Variants in CAMTA1 observed in about 807,000 individuals in gnomAD.
CAMTA1 encodes calmodulin binding transcription activator 1.
CAMTA1 carries 27 observed loss-of-function variants against 170.9 expected under a neutral mutation model. That is an observed-to-expected ratio of 0.16 (90% CI 0.12 to 0.22). The LOEUF is 0.22. CAMTA1 is among the 10% of genes least tolerant of loss of function. CAMTA1 has a pLI of 1.00. For synonymous variants in CAMTA1, 833 were observed against 891.5 expected (o/e 0.93, Z 1.17); for missense variants, 1,619 against 2,217.2 (o/e 0.73, Z 5.42).
intron 4 of CAMTA1, among the ~76,000 whole-genome samples, chr1:7,120,049 A>G (rs1347402609): frequency 6.6e-6 from 1 of 152,174 alleles, no homozygotes; most frequent in Non-Finnish European, 1.5e-5. Flanking sequence ...CAGATGAGGA[A>G]ACCGAGGCTG....
intron 3 of CAMTA1, among the ~76,000 whole-genome samples, chr1:6,920,153 A>G (rs948697679): frequency 3.0e-4 from 46 of 152,192 alleles, no homozygotes; most frequent in African/African-American, 1.0e-3. Context: ...AAAGCAAGTT[A>G]GTTACTTCCT....
chr1:7,026,714 G>A (rs1702072687), intron 3 of CAMTA1, among the ~76,000 whole-genome samples: 1 of 140,002 alleles, frequency 7.1e-6, no homozygotes, highest in African/African-American at 2.7e-5. Flanking sequence ...CACTGCAACC[G>A]CCGCCTCCCA....
At chr1:7,174,390 A>G (rs945102631) in intron 4 of CAMTA1, among the ~76,000 whole-genome samples, 1 of 152,256 alleles carries the variant, frequency 6.6e-6, no homozygotes, top group African/African-American at 2.4e-5. Context: ...TGGAATTGTA[A>G]TCAAATTTCT....
intron 6 of CAMTA1, among the ~76,000 whole-genome samples, chr1:7,478,459 G>C (rs906336637): frequency 1.3e-5 from 2 of 152,184 alleles, no homozygotes; most frequent in East Asian, 3.9e-4. Context: ...GCCTGCCGAC[G>C]CTCCTCTGTC....
intron 6 of CAMTA1, among the ~76,000 whole-genome samples, chr1:7,557,442 G>A (rs554794524): frequency 6.6e-6 from 1 of 152,294 alleles, no homozygotes; most frequent in African/African-American, 2.4e-5. Flanking sequence ...GTGAGGATTT[G>A]GGCTGGATGC....
intron 5 of CAMTA1, among the ~76,000 whole-genome samples, chr1:7,419,414 C>T (rs2091414197): frequency 6.6e-6 from 1 of 152,170 alleles, no homozygotes; most frequent in African/African-American, 2.4e-5. Context: ...ACCTCGGCCT[C>T]CCAAAGTGCT....
At chr1:7,722,187 T>G (rs1306028729) in intron 11 of CAMTA1, among the ~76,000 whole-genome samples, 2 of 152,200 alleles carry the variant, frequency 1.3e-5, no homozygotes, top group Admixed American at 1.3e-4. Context: ...TCCCAGCCCT[T>G]CTAAACTTAG....
chr1:7,118,907 A>C (rs764437965), intron 4 of CAMTA1, among the ~76,000 whole-genome samples: 4 of 152,214 alleles, frequency 2.6e-5, no homozygotes, highest in Non-Finnish European at 4.4e-5. Flanking sequence ...GTTTGTCAGA[A>C]GACGAGCTGA....
At chr1:6,871,211 C>CT (rs200488465) in intron 3 of CAMTA1, among the ~76,000 whole-genome samples, 3 of 151,906 alleles carry the variant, frequency 2.0e-5, no homozygotes, top group East Asian at 1.9e-4. Flanking sequence ...CTTAAAATGT[C>CT]TTTTTTTTCC....
At chr1:7,321,392 C>T (rs1678401185) in intron 5 of CAMTA1, among the ~76,000 whole-genome samples, 1 of 152,180 alleles carries the variant, frequency 6.6e-6, no homozygotes, top group Non-Finnish European at 1.5e-5. Context: ...TCAGCCTCTC[C>T]TTCTGTCAGC....
intron 5 of CAMTA1, among the ~76,000 whole-genome samples, chr1:7,360,590 C>T (rs1201698842): frequency 2.0e-5 from 3 of 152,228 alleles, no homozygotes; most frequent in Admixed American, 6.5e-5. Flanking sequence ...TGACAAGCCT[C>T]GGTGTGCCCA....
In CAMTA1 at chr1:6,934,904, T is replaced by G. The variant is rs1256663428; in HGVS notation, c.234+109694T>G. ...CAAAATAAAAAGTCCACCAAACTCC[T>G]TAGGCCAGTCGAAAGCACCTAACTC... On this transcript the variant is annotated intron_variant, in intron 3 of 22. Coordinates refer to ENST00000303635, the MANE Select transcript of CAMTA1 (RefSeq NM_015215.4). The surrounding 1 kb of genome is among the most constrained non-coding windows in gnomAD (Gnocchi z 4.5). 1.3e-5 allele frequency among the ~76,000 whole-genome samples: 2 copies of G among 152,158 alleles called. No individual in the cohort carries two copies. The highest frequency in any genetic ancestry group is 4.8e-5 in the African/African-American group (2 of 41,416).
At position 7,463,735 on chromosome 1, in the gene CAMTA1, G is replaced by A. The variant is rs1349906491; in HGVS notation, c.439-4095G>A. On this transcript the variant is annotated intron_variant, in intron 5 of 22. Coordinates refer to ENST00000303635, the MANE Select transcript of CAMTA1 (RefSeq NM_015215.4). This position sits in a 1 kb window ranked among gnomAD's most constrained non-coding sequence, Gnocchi z 4.7. The stretch of plus-strand genomic sequence containing the variant: ...AGATGAGGCCGTAGAGAGCTGGCCG[G>A]GAAGGGAGGTGCCCACAACATACCA... Among the ~76,000 whole-genome samples the A allele has an allele frequency of 1.3e-5, 2 of 152,196 alleles. No individual in the cohort carries two copies. The highest frequency in any genetic ancestry group is 2.4e-5 in the African/African-American group (1 of 41,448).
At chr1:7,704,009 G>A (rs1186909645) in intron 11 of CAMTA1, among the ~76,000 whole-genome samples, 1 of 151,930 alleles carries the variant, frequency 6.6e-6, no homozygotes, top group Non-Finnish European at 1.5e-5. Flanking sequence ...CCCCAAAGCC[G>A]GAGCCGCCGC....
Position 7,443,940 on chromosome 1 carries a change from G to T in CAMTA1, c.439-23890G>T, listed in dbSNP as rs1156407958. ...ACCAGGAAATGCCATCCCCAGTCTT[G>T]TTGGGCTCAGACATTGTGATCCGTC... On this transcript the variant is annotated intron_variant, in intron 5 of 22. Coordinates refer to ENST00000303635, the MANE Select transcript of CAMTA1 (RefSeq NM_015215.4). This position sits in a 1 kb window ranked among gnomAD's most constrained non-coding sequence, Gnocchi z 4.1. Among the ~76,000 whole-genome samples, 1 of 151,608 alleles carries T rather than the reference G, an allele frequency of 6.6e-6. No individual in the cohort carries two copies. The highest frequency in any genetic ancestry group is 1.5e-5 in the Non-Finnish European group (1 of 67,710).
intron 6 of CAMTA1, among the ~76,000 whole-genome samples, chr1:7,574,001 T>A (rs1028648212): frequency 1.4e-5 from 2 of 139,020 alleles, no homozygotes; most frequent in African/African-American, 3.4e-5. Flanking sequence ...CTCAAACTCC[T>A]GACCTCAGGT....
At chr1:6,957,130 T>C (rs914812202) in intron 3 of CAMTA1, among the ~76,000 whole-genome samples, 1 of 152,210 alleles carries the variant, frequency 6.6e-6, no homozygotes, top group African/African-American at 2.4e-5. Flanking sequence ...TTGCTTCAGA[T>C]GCGCTCTTTG....
chr1:6,960,403 G>A lies in CAMTA1; in HGVS notation c.235-130901G>A, dbSNP rs542003642. 2.6e-5 allele frequency among the ~76,000 whole-genome samples: 4 copies of A among 152,232 alleles called. No individual in the cohort carries two copies. In the South Asian group the frequency reaches 6.2e-4, roughly 24 times the overall value. On this transcript the variant is annotated intron_variant, in intron 3 of 22. Coordinates refer to ENST00000303635, the MANE Select transcript of CAMTA1 (RefSeq NM_015215.4). ...AGCTGCGTGTCCTCCAGGGCAGGGAGTCATTGGGAAGGCAGTCTGGGCCGA... is the reference window on the plus strand; with the variant it reads ...AGCTGCGTGTCCTCCAGGGCAGGGAATCATTGGGAAGGCAGTCTGGGCCGA...
At chr1:7,437,692 C>T (rs2092391026) in intron 5 of CAMTA1, among the ~76,000 whole-genome samples, 1 of 152,218 alleles carries the variant, frequency 6.6e-6, no homozygotes, top group Non-Finnish European at 1.5e-5. Context: ...TGGGAAACCT[C>T]AGATTCTGGG....
Sources: allele counts gnomAD v4.1 joint callset (sites outside exome capture counted in the v4.1 genomes callset), GRCh38; gene constraint gnomAD v4.1.1; non-coding constraint Gnocchi (gnomAD v3.1); transcripts MANE v1.5; gene names NCBI Gene and HGNC (gene_info 2026-07-23, HGNC 2026-07-21).